The following CD8A variants were observed in gnomAD, a reference collection of about 807,000 sequenced individuals.
The protein encoded by CD8A is CD8 subunit alpha, also known as T-cell surface glycoprotein CD8 alpha chain.
Under a neutral mutation model 24.2 loss-of-function variants are expected in CD8A, and 25 were observed. The ratio of observed to expected loss-of-function variants is 1.03; its 90% CI spans 0.75 to 1.44. CD8A has a LOEUF of 1.44. Ranked by LOEUF, CD8A falls within the 40% of genes most tolerant of loss-of-function variation. The probability of loss-of-function intolerance (pLI) is 0.00; values close to 1 mark genes in which losing one functional copy is unlikely to be tolerated. For missense variants in CD8A, 360 were observed against 319.7 expected (o/e 1.13, Z -0.96); for synonymous variants, 165 against 149.9 (o/e 1.10, Z -0.74).
At chr2:86,786,995 G>A (rs1430843407) in intron 5 of CD8A, among the ~76,000 whole-genome samples, 1 of 122,004 alleles carries the variant, frequency 8.2e-6, no homozygotes, top group Non-Finnish European at 1.7e-5. Flanking sequence ...ACTCAAGCCT[G>A]GGCGACATAG....
upstream of CD8A, among the ~76,000 whole-genome samples, chr2:86,793,497 G>C (rs1307919976): frequency 6.6e-6 from 1 of 152,204 alleles, no homozygotes; most frequent in East Asian, 1.9e-4. Flanking sequence ...ATGAATGAGG[G>C]AGACAAGGAA....
upstream of CD8A, chr2:86,791,455 G>A (rs62146066): frequency 4.3e-4 from 195 of 449,216 alleles, no homozygotes; most frequent in Non-Finnish European, 7.4e-4. Context: ...GGGTGTCGGT[G>A]TCAGTGCGCT....
chr2:86,791,271 T>C (rs1291670417), upstream of CD8A: 1 of 368,958 alleles, frequency 2.7e-6, no homozygotes, highest in Non-Finnish European at 5.3e-6. Context: ...TCTCTTGTAC[T>C]GTCACCTTGG....
At chr2:86,805,782 C>T (rs982304423) in intron 2 of CD8A, among the ~76,000 whole-genome samples, 1 of 152,176 alleles carries the variant, frequency 6.6e-6, no homozygotes, top group African/African-American at 2.4e-5. Context: ...ATTCCAACAA[C>T]CAAATGAAGC....
chr2:86,808,093 C>T (rs1311604419), intron 1 of CD8A: 1 of 152,376 alleles, frequency 6.6e-6, no homozygotes, highest in African/African-American at 2.4e-5. Context: ...ACCTGGATCC[C>T]TCCGCCACCT....
At position 86,790,835 on chromosome 2, in the gene CD8A, C is replaced by T. The variant is rs758650184; in HGVS notation, c.-10G>A. 9 of 1,541,960 alleles carry T rather than the reference C, an allele frequency of 5.8e-6. No homozygotes were observed. The South Asian group carries it at 7.1e-5, about 12-fold the overall frequency. On this transcript the variant is annotated 5_prime_UTR_variant, in exon 1 of 6. Coordinates refer to ENST00000283635, the MANE Select transcript of CD8A (RefSeq NM_001768.7). ...TCACTGGTAAGGCCATGACGCGCTC[C>T]CCAGGACGCTGCTTGGCTCGAAGCT...
chr2:86,789,957 AGCCGGAGCGCAGG>A (rs778909417), intron 2 of CD8A, among the ~76,000 whole-genome samples: 93 of 152,102 alleles, frequency 6.1e-4, no homozygotes, highest in Non-Finnish European at 1.2e-3. Flanking sequence ...CGGCGCCCAG[AGCCGGAGCGCAGG>A]AGCCAGCTCC....
chr2:86,791,638 A>T, upstream of CD8A: 1 of 454,158 alleles, frequency 2.2e-6, no homozygotes, highest in Non-Finnish European at 4.4e-6. Flanking sequence ...TGACAGCGTC[A>T]CTGCTGCAGC....
chr2:86,787,071 T>TCC (rs1241941428), intron 5 of CD8A, among the ~76,000 whole-genome samples: 11,497 of 107,170 alleles, frequency 0.11, 837 homozygotes, highest in Non-Finnish European at 0.15. Context: ...GCTAAAAACT[T>TCC]CCCCCCCCAC....
At chr2:86,798,112 C>T (rs1673540245) in intron 3 of CD8A, among the ~76,000 whole-genome samples, 1 of 152,098 alleles carries the variant, frequency 6.6e-6, no homozygotes, top group Non-Finnish European at 1.5e-5. Context: ...TTCGTCTTTA[C>T]CTCTGCCTCT....
upstream of CD8A, among the ~76,000 whole-genome samples, chr2:86,793,995 G>A (rs972910593): frequency 4.6e-5 from 7 of 152,124 alleles, no homozygotes; most frequent in Non-Finnish European, 5.9e-5. Context: ...GTGGATTTTC[G>A]ATGTGACCAC....
At chr2:86,795,584 C>T (rs1007662190), upstream of CD8A, among the ~76,000 whole-genome samples, 3 of 152,128 alleles carry the variant, frequency 2.0e-5, no homozygotes, top group Non-Finnish European at 4.4e-5. Flanking sequence ...TCTTAGCAAA[C>T]CATTCTTGGG....
intron 2 of CD8A, among the ~76,000 whole-genome samples, chr2:86,805,715 C>T (rs559852200): frequency 1.3e-5 from 2 of 152,180 alleles, no homozygotes; most frequent in East Asian, 3.9e-4. Context: ...ACTTAAAATA[C>T]GAATTTTTTT....
At position 86,789,767 on chromosome 2, in the gene CD8A, G is replaced by A. The variant is rs1194679621; in HGVS notation, c.404-17C>T. 1 of 1,333,420 alleles carries A rather than the reference G, an allele frequency of 7.5e-7. No homozygotes were observed. Among genetic ancestry groups the A allele is most frequent in the Non-Finnish European group, 9.6e-7 (1 of 1,044,694 alleles). The allele number at this position is 1,333,420 out of a possible 1,614,324, so 82.6% of individuals were successfully genotyped here. ...TGGGCTTCGCTGCAAGAGCAACAGA[G>A]CGTGGTTGGGGGCCAGGCTGGGGTT... is the stretch of plus-strand genomic sequence containing the variant. On this transcript the variant is annotated splice_polypyrimidine_tract_variant and intron_variant, in intron 2 of 5. Transcript: ENST00000283635.
In CD8A at chr2:86,790,395, G is replaced by A; in HGVS notation, c.336C>T (p.Tyr112=). Reference sequence around the variant, plus strand: ...AGTTGCTCAGGGCCGAGCAGAAATAGTAGCCCTCGTTCTCTCGGCGGAAGT... The same window carrying A: ...AGTTGCTCAGGGCCGAGCAGAAATAATAGCCCTCGTTCTCTCGGCGGAAGT... The part of the protein sequence containing the change: ...LSDFRRENEG[Y]YFCSALSNSI... The change falls in exon 2 of 6, where the codon TAC becomes TAT. Residue 112 remains tyrosine, a synonymous_variant. Transcript: ENST00000283635. 5 of 1,614,202 alleles carry A rather than the reference G, an allele frequency of 3.1e-6. No homozygotes were observed. The highest frequency in any genetic ancestry group is 4.2e-6 in the Non-Finnish European group (5 of 1,180,042).
chr2:86,787,237 A>C lies in CD8A; in HGVS notation c.657-1266T>G, dbSNP rs1048854120. The stretch of plus-strand genomic sequence containing the variant: ...AGCCCGGATTATAGGCATGCACCAC[A>C]ATACCCGGCTCATTTTCAAAGTCTT... On this transcript the variant is annotated intron_variant, in intron 5 of 5. Transcript: ENST00000283635. 9.9e-5 allele frequency among the ~76,000 whole-genome samples: 15 copies of C among 151,480 alleles called. 1 individual carries two copies. Among genetic ancestry groups the C allele is most frequent in the Admixed American group, 9.8e-4 (15 of 15,238 alleles).
rs769351360 is a variant in CD8A at position 86,789,357 on chromosome 2, G to A, written c.591C>T (p.Leu197=). 8.1e-6 allele frequency: 13 copies of A among 1,613,308 alleles called. No individual in the cohort carries two copies. The highest frequency in any genetic ancestry group is 1.7e-4 in the Middle Eastern group (1 of 6,058). Residue 197 remains leucine, a synonymous_variant, in exon 4 of 6, where the codon CTC becomes CTT. Coordinates refer to ENST00000283635, the MANE Select transcript of CD8A (RefSeq NM_001768.7). ...APLAGTCGVL[L]LSLVITLYCN... ...AGTAAAGGGTGATAACCAGTGACAG[G>A]AGAAGGACCCCACAAGTCCCGGCCA...
chr2:86,790,712 G>A, intron 1 of CD8A, 31 bp from the exon 2 acceptor site: 1 of 1,553,910 alleles, frequency 6.4e-7, no homozygotes, highest in Non-Finnish European at 8.7e-7. Flanking sequence ...GGCTGAGCCC[G>A]CAGTCCCGCG....
At chr2:86,789,520 G>A in intron 3 of CD8A, 87 bp from the exon 4 acceptor site, 1 of 1,352,608 alleles carries the variant, frequency 7.4e-7, no homozygotes, top group African/African-American at 1.4e-5. Context: ...CTCCGCCTCA[G>A]ATCTCGGTTT....
Sources: allele counts gnomAD v4.1 joint callset (sites outside exome capture counted in the v4.1 genomes callset), GRCh38; gene constraint gnomAD v4.1.1; transcripts MANE v1.5; gene names NCBI Gene and HGNC (gene_info 2026-07-23, HGNC 2026-07-21).